KIF6: variants seen among roughly 807,000 people sequenced by gnomAD.
The protein encoded by KIF6 is kinesin family member 6, also known as kinesin-like protein KIF6.
KIF6 carries 106 observed loss-of-function variants against 112.7 expected under a neutral mutation model. That is an observed-to-expected ratio of 0.94 (90% CI 0.80 to 1.11). The LOEUF is 1.11. KIF6 is among the 50% of genes least tolerant of loss of function. KIF6 has a pLI of 0.00. For synonymous variants in KIF6, 339 were observed against 339.9 expected, an observed-to-expected ratio of 1.00 and a Z score of 0.03; for missense variants, 929 against 964.0, an observed-to-expected ratio of 0.96 and a Z score of 0.48.
At chr6:39,586,236 T>C in intron 8 of KIF6, 25 bp downstream of exon 8, 1 of 1,612,840 alleles carries the variant, frequency 6.2e-7, no homozygotes, top group Non-Finnish European at 8.5e-7. Context: ...TAGATTAAGA[T>C]CTCCAGAAAG....
At chr6:39,522,545 T>C (rs923062773) in intron 13 of KIF6, among the ~76,000 whole-genome samples, 12 of 152,210 alleles carry the variant, frequency 7.9e-5, no homozygotes, top group African/African-American at 2.9e-4. Context: ...ACCTCCTAGT[T>C]GTCCATCTGT....
chr6:39,491,357 C>G (rs1242546683), intron 13 of KIF6, among the ~76,000 whole-genome samples: 1 of 152,074 alleles, frequency 6.6e-6, no homozygotes, highest in African/African-American at 2.4e-5. Flanking sequence ...CCAGCAAATT[C>G]TCTTCACATT....
intron 3 of KIF6, among the ~76,000 whole-genome samples, chr6:39,688,333 C>T (rs989797066): frequency 6.6e-6 from 1 of 152,056 alleles, no homozygotes; most frequent in African/African-American, 2.4e-5. Flanking sequence ...CTCTTCATGG[C>T]AGGGCAAATG....
chr6:39,589,064 T>C (rs1042971122), intron 7 of KIF6, among the ~76,000 whole-genome samples: 4 of 152,220 alleles, frequency 2.6e-5, no homozygotes, highest in African/African-American at 9.6e-5. Context: ...TCTGACATCA[T>C]GTCCTGTCAT....
At chr6:39,552,726 CAA>C (rs1444795016) in intron 10 of KIF6, among the ~76,000 whole-genome samples, 1 of 151,962 alleles carries the variant, frequency 6.6e-6, no homozygotes, top group African/African-American at 2.4e-5. Context: ...ATGAGATCAT[CAA>C]ATAAATAGTA....
intron 13 of KIF6, among the ~76,000 whole-genome samples, chr6:39,507,523 G>A (rs1249503142): frequency 6.6e-6 from 1 of 152,068 alleles, no homozygotes; most frequent in Non-Finnish European, 1.5e-5. Flanking sequence ...TGGGACATAT[G>A]CAACCTGGGG....
At chr6:39,456,020 T>G (rs1436443692) in intron 13 of KIF6, among the ~76,000 whole-genome samples, 1 of 74,474 alleles carries the variant, frequency 1.3e-5, no homozygotes, top group African/African-American at 5.4e-5. Flanking sequence ...ATACAGAGAA[T>G]GCCACAAAGA....
intron 13 of KIF6, among the ~76,000 whole-genome samples, chr6:39,482,831 G>C (rs1455372821): frequency 6.6e-6 from 1 of 152,088 alleles, no homozygotes; most frequent in African/African-American, 2.4e-5. Context: ...CAAGGGCTCC[G>C]GGTACGAGGA....
At chr6:39,565,145 C>G (rs1013870713) in intron 10 of KIF6, among the ~76,000 whole-genome samples, 4 of 152,092 alleles carry the variant, frequency 2.6e-5, no homozygotes. Flanking sequence ...GGACAATTCT[C>G]GAAACGTCAT....
chr6:39,637,266 C>G (rs1784669525), intron 4 of KIF6, among the ~76,000 whole-genome samples: 1 of 151,980 alleles, frequency 6.6e-6, no homozygotes, highest in Non-Finnish European at 1.5e-5. Context: ...GTCTTTGGCT[C>G]TTTCAGCTTC....
At chr6:39,529,420 A>C (rs1238082657) in intron 13 of KIF6, among the ~76,000 whole-genome samples, 2 of 152,238 alleles carry the variant, frequency 1.3e-5, no homozygotes, top group Non-Finnish European at 2.9e-5. Context: ...AGGGATTCAT[A>C]TCTGAAATAG....
chr6:39,460,746 GA>G (rs1202102161), intron 13 of KIF6, among the ~76,000 whole-genome samples: 2 of 152,100 alleles, frequency 1.3e-5, no homozygotes, highest in Non-Finnish European at 2.9e-5. Context: ...GAATGTGGGT[GA>G]CAAAATACTC....
intron 15 of KIF6, among the ~76,000 whole-genome samples, chr6:39,401,825 A>T (rs187228351): frequency 3.3e-4 from 51 of 152,304 alleles, no homozygotes; most frequent in East Asian, 5.8e-4. Flanking sequence ...TCCTTGTCTG[A>T]AAAATATTAC....
chr6:39,348,896 C>T (rs1373453650), intron 19 of KIF6, among the ~76,000 whole-genome samples: 1 of 152,218 alleles, frequency 6.6e-6, no homozygotes, highest in East Asian at 1.9e-4. Flanking sequence ...CGCTCTCTCA[C>T]CCTGGCGGCT....
At chr6:39,652,455 A>T (rs1184202367) in intron 3 of KIF6, among the ~76,000 whole-genome samples, 1 of 151,616 alleles carries the variant, frequency 6.6e-6, no homozygotes, top group Non-Finnish European at 1.5e-5. Flanking sequence ...TGAACCTGGG[A>T]GGTGGAGGTT....
chr6:39,567,898 A>C (rs1003236980), intron 10 of KIF6, among the ~76,000 whole-genome samples: 2 of 152,078 alleles, frequency 1.3e-5, no homozygotes, highest in Admixed American at 6.5e-5. Flanking sequence ...TGAGCCACTG[A>C]GCCTGGCCTG....
rs78569760 is a variant in KIF6 at position 39,599,822 on chromosome 6, T to C, written c.640-3562A>G. On this transcript the variant is annotated intron_variant, in intron 6 of 22. Transcript: ENST00000287152. Reference sequence around the variant, plus strand: ...CGAAACTGATATTCTGAAACCACCATAAAATGTGAGCCATAAACGAATACT... The same window carrying C: ...CGAAACTGATATTCTGAAACCACCACAAAATGTGAGCCATAAACGAATACT... Among the ~76,000 whole-genome samples, 1,270 of 152,242 alleles carry C rather than the reference T, an allele frequency of 8.3e-3. 21 individuals are homozygous for C. Among genetic ancestry groups the C allele is most frequent in the African/African-American group, 0.029 (1,187 of 41,550 alleles).
chr6:39,718,222 T>C (rs1341411187), intron 2 of KIF6, among the ~76,000 whole-genome samples: 1 of 85,102 alleles, frequency 1.2e-5, no homozygotes, highest in African/African-American at 5.1e-5. Flanking sequence ...AGAGTGAGAC[T>C]CCATCTCAAA....
chr6:39,534,474 G>A (rs1044205280), intron 13 of KIF6, among the ~76,000 whole-genome samples: 3 of 152,174 alleles, frequency 2.0e-5, no homozygotes, highest in African/African-American at 7.2e-5. Context: ...GATGGAAGAT[G>A]AAATGAATGA....
Sources: allele counts gnomAD v4.1 joint callset (sites outside exome capture counted in the v4.1 genomes callset), GRCh38; gene constraint gnomAD v4.1.1; transcripts MANE v1.5; gene names NCBI Gene and HGNC (gene_info 2026-07-23, HGNC 2026-07-21).